Variants in PAK5 observed in about 807,000 individuals in gnomAD.
PAK5 encodes p21 (RAC1) activated kinase 5, also known as serine/threonine-protein kinase PAK 5.
Under a neutral mutation model 65.9 loss-of-function variants are expected in PAK5, and 16 were observed. The observed-to-expected ratio is 0.24, with a 90% CI of 0.16 to 0.37. PAK5 has a LOEUF of 0.37. Among genes scored for constraint, PAK5 ranks in the 10% least tolerant of loss-of-function variants. The pLI, the probability that PAK5 is intolerant of heterozygous loss-of-function variation, is 1.00. For synonymous variants in PAK5, 371 were observed against 354.9 expected, an observed-to-expected ratio of 1.05 and a Z score of -0.51; for missense variants, 785 against 903.9, an observed-to-expected ratio of 0.87 and a Z score of 1.69.
At chr20:9,760,245 C>T (rs1163191209) in intron 1 of PAK5, among the ~76,000 whole-genome samples, 3 of 152,088 alleles carry the variant, frequency 2.0e-5, no homozygotes, top group African/African-American at 2.4e-5. Context: ...AAGCTCATTC[C>T]AGACTTTTAG....
intron 2 of PAK5, among the ~76,000 whole-genome samples, chr20:9,684,098 A>C (rs1457016379): frequency 1.3e-5 from 2 of 152,220 alleles, no homozygotes; most frequent in African/African-American, 4.8e-5. Flanking sequence ...GTGAATAAGA[A>C]ATAGGACTTT....
At chr20:9,748,535 A>G (rs573702692) in intron 1 of PAK5, among the ~76,000 whole-genome samples, 7 of 152,300 alleles carry the variant, frequency 4.6e-5, no homozygotes, top group African/African-American at 1.4e-4. Context: ...ATAACACCAC[A>G]TATCTACAAC....
At chr20:9,724,117 AC>A (rs2048248470) in intron 1 of PAK5, among the ~76,000 whole-genome samples, 1 of 152,218 alleles carries the variant, frequency 6.6e-6, no homozygotes, top group Non-Finnish European at 1.5e-5. Flanking sequence ...GAATGACTAA[AC>A]CACAAAATCG....
At chr20:9,678,636 C>T (rs2123394900) in intron 2 of PAK5, among the ~76,000 whole-genome samples, 1 of 152,096 alleles carries the variant, frequency 6.6e-6, no homozygotes, top group East Asian at 1.9e-4. Flanking sequence ...TTAATTGACT[C>T]ACAGTTTTAC....
intron 2 of PAK5, among the ~76,000 whole-genome samples, chr20:9,704,016 C>G (rs75449739): frequency 6.6e-6 from 1 of 152,136 alleles, no homozygotes; most frequent in Non-Finnish European, 1.5e-5. Flanking sequence ...AGAAGGATGA[C>G]GCCTGTCTTC....
intron 3 of PAK5, among the ~76,000 whole-genome samples, chr20:9,638,424 T>A (rs1036141217): frequency 3.9e-5 from 6 of 152,214 alleles, no homozygotes; most frequent in Non-Finnish European, 7.3e-5. Context: ...ACTTGTGGCT[T>A]CTGGTTAAAT....
At chr20:9,557,765 A>G (rs1385586306) in intron 6 of PAK5, 31 bp from the exon 7 acceptor site, 5 of 1,597,290 alleles carry the variant, frequency 3.1e-6, no homozygotes, top group Non-Finnish European at 4.3e-6. Context: ...AAGGAACAAG[A>G]CAGGTTTAAG....
intron 1 of PAK5, among the ~76,000 whole-genome samples, chr20:9,781,911 T>C (rs776477721): frequency 2.6e-5 from 4 of 152,164 alleles, no homozygotes; most frequent in Non-Finnish European, 4.4e-5. Flanking sequence ...TTCCCCTATA[T>C]AGTTTGTGCT....
At chr20:9,833,342 A>G (rs1978875941) in intron 1 of PAK5, among the ~76,000 whole-genome samples, 1 of 152,156 alleles carries the variant, frequency 6.6e-6, no homozygotes, top group African/African-American at 2.4e-5. Flanking sequence ...CTACATTGCT[A>G]TAATGATTGT....
At chr20:9,648,120 G>T (rs188061775) in intron 2 of PAK5, among the ~76,000 whole-genome samples, 79 of 152,276 alleles carry the variant, frequency 5.2e-4, no homozygotes, top group African/African-American at 1.9e-3. Flanking sequence ...CCACCCCCAG[G>T]CTTGATGATT....
At chr20:9,635,327 G>T (rs568777179) in intron 3 of PAK5, among the ~76,000 whole-genome samples, 1 of 152,048 alleles carries the variant, frequency 6.6e-6, no homozygotes. Context: ...AATTCATTTT[G>T]TATTAGGACA....
intron 6 of PAK5, among the ~76,000 whole-genome samples, chr20:9,558,997 G>C (rs796261749): frequency 1.3e-5 from 2 of 152,082 alleles, no homozygotes; most frequent in African/African-American, 2.4e-5. Flanking sequence ...CACGCTTTCC[G>C]ACTTTCCCAC....
At chr20:9,831,027 A>AC (rs201388084) in intron 1 of PAK5, among the ~76,000 whole-genome samples, 7 of 151,924 alleles carry the variant, frequency 4.6e-5, no homozygotes, top group East Asian at 3.9e-4. Context: ...TAATCAAGGC[A>AC]CCCCCCCTCC....
intron 1 of PAK5, chr20:9,784,485 G>C (rs914131362): frequency 6.6e-6 from 1 of 152,178 alleles, no homozygotes; most frequent in Non-Finnish European, 1.5e-5. Context: ...GGCTGGATAT[G>C]ATTATACTGG....
At position 9,544,390 on chromosome 20, in the gene PAK5, A is replaced by G; in HGVS notation, c.1848T>C (p.Ser616=). ...TPYWMAPEVI[S]RLPYGTEVDI... Reference sequence around the variant, plus strand: ...TTACCTCTGTCCCATAAGGTAGCCTAGAAATCACCTCAGGGGCCATCCAGT... The same window carrying G: ...TTACCTCTGTCCCATAAGGTAGCCTGGAAATCACCTCAGGGGCCATCCAGT... The change falls in exon 8 of 10, where the codon TCT becomes TCC. Residue 616 remains serine (S), a synonymous_variant. Transcript: ENST00000353224. 6.2e-7 allele frequency: 1 copy of G among 1,614,036 alleles called. No homozygotes were observed. The highest frequency in any genetic ancestry group is 8.5e-7 in the Non-Finnish European group (1 of 1,179,950).
chr20:9,689,104 T>G (rs935879055), intron 2 of PAK5, among the ~76,000 whole-genome samples: 1 of 152,156 alleles, frequency 6.6e-6, no homozygotes, highest in African/African-American at 2.4e-5. Context: ...CCTTATTGCC[T>G]TTGTTTGTAT....
At chr20:9,663,035 C>T (rs1600214191) in intron 2 of PAK5, among the ~76,000 whole-genome samples, 2 of 152,252 alleles carry the variant, frequency 1.3e-5, no homozygotes, top group South Asian at 2.1e-4. Context: ...TCAGCAGTAA[C>T]ATTTTTAAGG....
At chr20:9,826,893 C>T (rs1334360790) in intron 1 of PAK5, among the ~76,000 whole-genome samples, 1 of 152,152 alleles carries the variant, frequency 6.6e-6, no homozygotes, top group Admixed American at 6.5e-5. Context: ...CTGCATCTAG[C>T]AATCAAATAA....
At chr20:9,555,875 G>C (rs948634253) in intron 7 of PAK5, among the ~76,000 whole-genome samples, 1 of 152,200 alleles carries the variant, frequency 6.6e-6, no homozygotes, top group African/African-American at 2.4e-5. Context: ...AGGTGACTCG[G>C]AGATGAGTGA....
Sources: gnomAD v4.1 joint callset for allele counts (sites outside exome capture counted in the v4.1 genomes callset) on GRCh38, gnomAD v4.1.1 for gene constraint, MANE v1.5 for transcripts, NCBI Gene and HGNC (gene_info 2026-07-23, HGNC 2026-07-21) for gene names.